Variants in ANKRD22 observed in about 807,000 individuals in gnomAD.
ANKRD22 encodes the protein ankyrin repeat domain 22.
Under a neutral mutation model 25.7 loss-of-function variants are expected in ANKRD22, and 24 were observed. That is an observed-to-expected ratio of 0.93 (90% CI 0.68 to 1.31). The LOEUF (loss-of-function observed/expected upper bound fraction) is 1.31, where lower values mean the gene tolerates loss of function less well. Among genes scored for constraint, ANKRD22 ranks in the 50% most tolerant of loss-of-function variants. The pLI is 0.00. For missense variants in ANKRD22, 214 were observed against 227.1 expected, an observed-to-expected ratio of 0.94 and a Z score of 0.37; for synonymous variants, 84 against 84.3, an observed-to-expected ratio of 1.00 and a Z score of 0.02.
At position 88,819,987 on chromosome 10, in the gene ANKRD22, A is replaced by T. The variant is rs1427892600; in HGVS notation, c.*2954T>A. ...ATGTTTTTATGTGTTTTGTCATTTG[A>T]TCTAGCAAGTTATTACAGATATTAT... On this transcript the variant is annotated 3_prime_UTR_variant, in exon 6 of 6. Coordinates refer to ENST00000371930, the MANE Select transcript of ANKRD22 (RefSeq NM_144590.3). 6.6e-6 allele frequency among the ~76,000 whole-genome samples: 1 copy of T among 152,244 alleles called. No individual in the cohort carries two copies. The highest frequency in any genetic ancestry group is 1.5e-5 in the Non-Finnish European group (1 of 68,042).
At chr10:88,831,791 A>G (rs1051786443) in intron 2 of ANKRD22, 44 bp downstream of exon 2, 32 of 1,504,300 alleles carry the variant, frequency 2.1e-5, no homozygotes, top group Non-Finnish European at 2.7e-5. Context: ...AGAGAAAAGA[A>G]TTATCATGAA....
rs1843809933 is a variant in ANKRD22, at chr10:88,822,548, T to TTTTTTTTTTTTTTTTTTTTTTTTG, written c.*392_*393insCAAAAAAAAAAAAAAAAAAAAAAA. ...ACTGAGTTTGGAACACCAGGGCTTT[T>TTTTTTTTTTTTTTTTTTTTTTTTG]TTTTTTTTTTTTTTTTTTGAGACAG... is the stretch of plus-strand genomic sequence containing the variant. On this transcript the variant is annotated 3_prime_UTR_variant, in exon 6 of 6. Coordinates refer to ENST00000371930, the MANE Select transcript of ANKRD22 (RefSeq NM_144590.3). The TTTTTTTTTTTTTTTTTTTTTTTTG allele has an allele frequency of 1.0e-5, 1 of 97,936 alleles. No homozygotes were observed. Among genetic ancestry groups the TTTTTTTTTTTTTTTTTTTTTTTTG allele is most frequent in the Non-Finnish European group, 1.9e-5 (1 of 52,732 alleles). 6.1% of individuals were successfully genotyped at this position (97,936 alleles called of 1,614,324 possible).
intron 1 of ANKRD22, among the ~76,000 whole-genome samples, chr10:88,839,275 T>C (rs776661278): frequency 1.5e-4 from 23 of 152,158 alleles, no homozygotes; most frequent in Non-Finnish European, 2.5e-4. Context: ...TCTTGTTTTA[T>C]CTTTTTAAAT....
At position 88,820,313 on chromosome 10, in the gene ANKRD22, C is replaced by G; in HGVS notation, c.*2628G>C. Reference sequence around the variant, plus strand: ...AGGAGGTCAGGACTGGCTTTCAAATCCAGAAGACGTGAAAATGCTGCTCTC... The same window carrying G: ...AGGAGGTCAGGACTGGCTTTCAAATGCAGAAGACGTGAAAATGCTGCTCTC... On this transcript the variant is annotated 3_prime_UTR_variant, in exon 6 of 6. Coordinates refer to ENST00000371930, the MANE Select transcript of ANKRD22 (RefSeq NM_144590.3). The G allele has an allele frequency of 6.4e-7, 1 of 1,552,152 alleles. No individual in the cohort carries two copies. Among genetic ancestry groups the G allele is most frequent in the Non-Finnish European group, 8.7e-7 (1 of 1,147,078 alleles).
chr10:88,834,423 A>C (rs1236495094), intron 1 of ANKRD22, among the ~76,000 whole-genome samples: 1 of 152,214 alleles, frequency 6.6e-6, no homozygotes, highest in Non-Finnish European at 1.5e-5. Flanking sequence ...TCCTTTTAAA[A>C]GATTTTACCA....
Position 88,821,014 on chromosome 10 carries a change from T to C in ANKRD22, c.*1927A>G, listed in dbSNP as rs1843787371. Among the ~76,000 whole-genome samples, 2 of 152,194 alleles carry C rather than the reference T, an allele frequency of 1.3e-5. No homozygotes were observed. Among genetic ancestry groups the C allele is most frequent in the Non-Finnish European group, 2.9e-5 (2 of 68,026 alleles). On this transcript the variant is annotated 3_prime_UTR_variant, in exon 6 of 6. Transcript: ENST00000371930. ...AGTGTTACAGTATGGATGAAATCTA[T>C]GTTAAGCATTCTCAGAATAAGGCCA...
chr10:88,836,317 G>C (rs1282131782), intron 1 of ANKRD22, among the ~76,000 whole-genome samples: 1 of 152,196 alleles, frequency 6.6e-6, no homozygotes, highest in Non-Finnish European at 1.5e-5. Flanking sequence ...CCATAACATA[G>C]TGCCTGGCAC....
intron 1 of ANKRD22, among the ~76,000 whole-genome samples, chr10:88,833,605 A>C (rs551929065): frequency 6.6e-4 from 100 of 152,330 alleles, no homozygotes; most frequent in African/African-American, 2.4e-3. Flanking sequence ...ATATCACAAT[A>C]AGTGAACTAT....
chr10:88,827,754 C>T (rs530703681), intron 3 of ANKRD22, among the ~76,000 whole-genome samples: 2 of 152,258 alleles, frequency 1.3e-5, no homozygotes, highest in Middle Eastern at 3.4e-3. Context: ...ACTTGTTCTG[C>T]GGCTGATGTT....
chr10:88,850,944 G>A (rs1000528665), intron 1 of ANKRD22, among the ~76,000 whole-genome samples: 1 of 151,956 alleles, frequency 6.6e-6, no homozygotes, highest in Non-Finnish European at 1.5e-5. Context: ...TACACCTCTT[G>A]TACTCTTGTC....
chr10:88,828,403 G>A (rs114807603), intron 3 of ANKRD22, among the ~76,000 whole-genome samples, 156 bp downstream of exon 3: 2,338 of 152,214 alleles, frequency 0.015, 23 homozygotes, highest in African/African-American at 0.034. Flanking sequence ...TTCAATTATA[G>A]CATTGGATGT....
At chr10:88,851,262 C>A (rs1360351236) in intron 1 of ANKRD22, among the ~76,000 whole-genome samples, 1 of 152,130 alleles carries the variant, frequency 6.6e-6, no homozygotes, top group African/African-American at 2.4e-5. Flanking sequence ...CTCTTTTTCT[C>A]TGAGTGTTTG....
intron 2 of ANKRD22, among the ~76,000 whole-genome samples, chr10:88,830,090 G>A (rs1444772313): frequency 6.6e-6 from 1 of 152,102 alleles, no homozygotes; most frequent in African/African-American, 2.4e-5. Context: ...CACATGGCCC[G>A]TTTCAAGTTT....
intron 1 of ANKRD22, among the ~76,000 whole-genome samples, chr10:88,846,117 C>CT (rs1175921528): frequency 3.3e-5 from 5 of 151,810 alleles, no homozygotes; most frequent in East Asian, 1.9e-4. Flanking sequence ...TCTGAAGGTA[C>CT]TTTTTTTTGC....
At chr10:88,825,960 A>G in intron 4 of ANKRD22, 78 bp downstream of exon 4, 1 of 1,210,978 alleles carries the variant, frequency 8.3e-7, no homozygotes, top group East Asian at 2.4e-5. Flanking sequence ...AAATAAAGCA[A>G]CTGTACAGAT....
chr10:88,823,197 C>T, intron 5 of ANKRD22, 83 bp downstream of exon 5: 5 of 1,351,588 alleles, frequency 3.7e-6, no homozygotes, highest in Non-Finnish European at 5.3e-6. Context: ...ACGTCAGAGG[C>T]AAATAATTTA....
intron 3 of ANKRD22, among the ~76,000 whole-genome samples, chr10:88,827,974 A>C (rs78050225): frequency 1.3e-5 from 2 of 152,198 alleles, no homozygotes; most frequent in Admixed American, 1.3e-4. Flanking sequence ...TTCATCTTCT[A>C]CTCCTCATAT....
At chr10:88,837,594 A>G (rs1589326486) in intron 1 of ANKRD22, among the ~76,000 whole-genome samples, 1 of 152,338 alleles carries the variant, frequency 6.6e-6, no homozygotes, top group South Asian at 2.1e-4. Context: ...CAGAGGTTTG[A>G]TCTTCATTCA....
At chr10:88,826,252 C>A in intron 3 of ANKRD22, 137 bp from the exon 4 acceptor site, 1 of 680,088 alleles carries the variant, frequency 1.5e-6, no homozygotes, top group Non-Finnish European at 2.4e-6. Flanking sequence ...AAAATTTCCC[C>A]CAGCTTCTCA....
Sources: allele counts gnomAD v4.1 joint callset (sites outside exome capture counted in the v4.1 genomes callset), GRCh38; gene constraint gnomAD v4.1.1; transcripts MANE v1.5; gene names NCBI Gene and HGNC (gene_info 2026-07-23, HGNC 2026-07-21).